The following C10orf90 variants were observed in gnomAD, a reference collection of about 807,000 sequenced individuals.
C10orf90 encodes chromosome 10 open reading frame 90.
C10orf90 carries 56 observed loss-of-function variants against 62.5 expected under a neutral mutation model. That is an observed-to-expected ratio of 0.90 (90% confidence interval 0.72 to 1.12). The LOEUF (loss-of-function observed/expected upper bound fraction) is 1.12. C10orf90 is among the 50% of genes most tolerant of loss of function. C10orf90 has a pLI of 0.00. For missense variants in C10orf90, 970 were observed against 880.4 expected (o/e 1.10, Z -1.29); for synonymous variants, 386 against 340.4 (o/e 1.13, Z -1.47).
chr10:126,519,410 C>G (rs193197134), intron 2 of C10orf90, among the ~76,000 whole-genome samples: 1 of 152,156 alleles, frequency 6.6e-6, no homozygotes, highest in Non-Finnish European at 1.5e-5. Context: ...CCTCATGAAT[C>G]GATCCACCCA....
At chr10:126,529,941 G>T (rs190690976) in intron 2 of C10orf90, among the ~76,000 whole-genome samples, 1 of 152,218 alleles carries the variant, frequency 6.6e-6, no homozygotes, top group Admixed American at 6.5e-5. Context: ...TATACTCTAA[G>T]ATGTCATTAA....
intron 2 of C10orf90, among the ~76,000 whole-genome samples, chr10:126,573,991 C>T (rs565434999): frequency 1.3e-5 from 2 of 152,216 alleles, no homozygotes; most frequent in East Asian, 1.9e-4. Flanking sequence ...TAGTTCACTT[C>T]GTCTAACAAA....
At chr10:126,442,633 G>GTATATATATATATATA (rs56368633) in intron 7 of C10orf90, among the ~76,000 whole-genome samples, 3 of 88,478 alleles carry the variant, frequency 3.4e-5, no homozygotes, top group Non-Finnish European at 4.1e-5. Flanking sequence ...TTGTGTGTGT[G>GTATATATATATATATA]TATATATATA....
At chr10:126,629,680 G>C (rs1217807259) in intron 2 of C10orf90, among the ~76,000 whole-genome samples, 1 of 152,216 alleles carries the variant, frequency 6.6e-6, no homozygotes, top group African/African-American at 2.4e-5. Context: ...GGGATGAGTA[G>C]CCATTTGTAG....
At chr10:126,582,403 A>T (rs7093654) in intron 2 of C10orf90, among the ~76,000 whole-genome samples, 3,108 of 152,296 alleles carry the variant, frequency 0.02, 41 homozygotes, top group African/African-American at 0.04. Context: ...CTTTTCCACA[A>T]TTGAAACCTA....
At chr10:126,525,684 A>G (rs1187510690) in intron 2 of C10orf90, among the ~76,000 whole-genome samples, 2 of 152,200 alleles carry the variant, frequency 1.3e-5, no homozygotes, top group Non-Finnish European at 2.9e-5. Flanking sequence ...GGAAAAACCC[A>G]GGCTCAAGAT....
At chr10:126,613,936 C>A (rs1469994736) in intron 2 of C10orf90, among the ~76,000 whole-genome samples, 1 of 152,128 alleles carries the variant, frequency 6.6e-6, no homozygotes, top group Non-Finnish European at 1.5e-5. Flanking sequence ...GGATAGCCAC[C>A]CAGTCCTCTT....
At chr10:126,511,973 G>T (rs1250757013) in intron 3 of C10orf90, 3 of 147,168 alleles carry the variant, frequency 2.0e-5, no homozygotes, top group Non-Finnish European at 2.9e-5. Flanking sequence ...CATTTTGGAA[G>T]GAAAAGTGAT....
At chr10:126,480,008 C>A (rs1861087810) in intron 4 of C10orf90, among the ~76,000 whole-genome samples, 1 of 152,108 alleles carries the variant, frequency 6.6e-6, no homozygotes, top group African/African-American at 2.4e-5. Context: ...CTTTGATGAC[C>A]AGGATACTGA....
chr10:126,439,399 A>G (rs1360626245), intron 7 of C10orf90, among the ~76,000 whole-genome samples: 1 of 152,212 alleles, frequency 6.6e-6, no homozygotes, highest in Non-Finnish European at 1.5e-5. Flanking sequence ...AGGCAAAACA[A>G]AACAGAAAAA....
chr10:126,577,697 G>A (rs1217892379), intron 2 of C10orf90, among the ~76,000 whole-genome samples: 1 of 152,030 alleles, frequency 6.6e-6, no homozygotes, highest in Non-Finnish European at 1.5e-5. Flanking sequence ...GGAAAATCCA[G>A]GTAATCTTGA....
At chr10:126,473,277 T>A (rs1321468236) in intron 4 of C10orf90, among the ~76,000 whole-genome samples, 1 of 152,202 alleles carries the variant, frequency 6.6e-6, no homozygotes, top group African/African-American at 2.4e-5. Context: ...CACTGAGCCC[T>A]CAAGTCCCCA....
intron 7 of C10orf90, among the ~76,000 whole-genome samples, chr10:126,444,562 G>A (rs888117357): frequency 2.0e-5 from 3 of 151,984 alleles, no homozygotes; most frequent in African/African-American, 7.2e-5. Context: ...CTCATGGATG[G>A]GTAAAATCAA....
intron 2 of C10orf90, among the ~76,000 whole-genome samples, chr10:126,643,843 G>A (rs1314042868): frequency 6.6e-6 from 1 of 152,232 alleles, no homozygotes; most frequent in African/African-American, 2.4e-5. Context: ...CTTCTGATGA[G>A]CATGGAAACA....
chr10:126,477,076 ATTTTTTTTTTTTTTTTTTTTTTTTTTTTT>A lies in C10orf90; in HGVS notation c.1535-12119_1535-12091del, dbSNP rs551973906. ...AGGTGCCCAACATCACGCCTGGCTAATTTTTTTTTTTTTTTTTTTTTTTTTTTTTTTTTTTTTTTTTTGGATTTTTGGAG... is the reference window on the plus strand; with the variant it reads ...AGGTGCCCAACATCACGCCTGGCTAATTTTTTTTTTTTTGGATTTTTGGAG... On this transcript the variant is annotated intron_variant, in intron 4 of 9. Coordinates refer to ENST00000488181, the MANE Select transcript of C10orf90 (RefSeq NM_001350921.2). Among the ~76,000 whole-genome samples the A allele has an allele frequency of 2.6e-3, 149 of 56,486 alleles. 2 individuals carry two copies. The highest frequency in any genetic ancestry group is 3.8e-3 in the Non-Finnish European group (118 of 30,890). The allele number at this position is 56,486 out of a possible 152,430, so 37.1% of individuals were successfully genotyped here.
intron 4 of C10orf90, among the ~76,000 whole-genome samples, chr10:126,490,671 A>T (rs1861718807): frequency 6.6e-6 from 1 of 152,086 alleles, no homozygotes; most frequent in Non-Finnish European, 1.5e-5. Flanking sequence ...AAGAAGAAAG[A>T]ACTAGGCATA....
Position 126,625,943 on chromosome 10 carries a change from G to A in C10orf90, c.313+20622C>T, listed in dbSNP as rs139187923. Among the ~76,000 whole-genome samples the A allele has an allele frequency of 2.4e-4, 36 of 151,878 alleles. 1 individual carries two copies. The highest frequency in any genetic ancestry group is 8.5e-4 in the African/African-American group (35 of 41,410). On this transcript the variant is annotated intron_variant, in intron 2 of 9. Coordinates refer to ENST00000488181, the MANE Select transcript of C10orf90 (RefSeq NM_001350921.2). ...CAGCCTCGCCAACATGGTGAAACCCGATCTCTACCAAAAATACAAAAATAA... is the reference window on the plus strand; with the variant it reads ...CAGCCTCGCCAACATGGTGAAACCCAATCTCTACCAAAAATACAAAAATAA...
intron 2 of C10orf90, among the ~76,000 whole-genome samples, chr10:126,524,285 A>C (rs909673957): frequency 1.3e-5 from 2 of 152,184 alleles, no homozygotes; most frequent in Non-Finnish European, 2.9e-5. Flanking sequence ...TATAAGAATG[A>C]GGGTCTTGTT....
rs1564860259 is a variant in C10orf90 at position 126,532,862 on chromosome 10, G to GAAAAAAAAAAAAAA, written c.314-18924_314-18923insTTTTTTTTTTTTTT. On this transcript the variant is annotated intron_variant, in intron 2 of 9. Transcript: ENST00000488181. ...CGTCTCAAAAAAAAAAAAAAATAGT[G>GAAAAAAAAAAAAAA]AGCACAAAACAAGTGTTTTCAAAAA... is the stretch of plus-strand genomic sequence containing the variant. Among the ~76,000 whole-genome samples the GAAAAAAAAAAAAAA allele has an allele frequency of 3.6e-4, 8 of 22,120 alleles. 1 individual carries two copies. Among genetic ancestry groups the GAAAAAAAAAAAAAA allele is most frequent in the Non-Finnish European group, 8.8e-4 (7 of 7,978 alleles). 14.5% of individuals were successfully genotyped at this position (22,120 alleles called of 152,430 possible). A position where few individuals can be genotyped will look rare whatever the true frequency, so the allele number is the denominator to read the frequency against.
Sources: allele counts gnomAD v4.1 joint callset (sites outside exome capture counted in the v4.1 genomes callset), GRCh38; gene constraint gnomAD v4.1.1; transcripts MANE v1.5; gene names NCBI Gene and HGNC (gene_info 2026-07-23, HGNC 2026-07-21).